The following AGPAT4 variants were observed in gnomAD, a reference collection of about 807,000 sequenced individuals.
AGPAT4 encodes 1-acyl-sn-glycerol-3-phosphate acyltransferase delta.
Under a neutral mutation model 48.0 loss-of-function variants are expected in AGPAT4, and 15 were observed. That is an observed-to-expected ratio of 0.31 (90% CI 0.21 to 0.48). The LOEUF (loss-of-function observed/expected upper bound fraction) is 0.48. AGPAT4 is among the 20% of genes least tolerant of loss of function. AGPAT4 has a pLI of 0.99. For synonymous variants in AGPAT4, 178 were observed against 198.7 expected, an observed-to-expected ratio of 0.90 and a Z score of 0.88; for missense variants, 314 against 482.5, an observed-to-expected ratio of 0.65 and a Z score of 3.27.
chr6:161,221,778 T>C lies in AGPAT4; in HGVS notation c.178+10258A>G, dbSNP rs1781842221. 6.6e-6 allele frequency among the ~76,000 whole-genome samples: 1 copy of C among 152,166 alleles called. No homozygotes were observed. The highest frequency in any genetic ancestry group is 2.4e-5 in the African/African-American group (1 of 41,450). ...CAGCGGCTGGGAGCCAGGTGTTCCT[T>C]GGCTTGCAGGGGATATTGTCCTCGT... On this transcript the variant is annotated intron_variant, in intron 2 of 8. Coordinates refer to ENST00000320285, the MANE Select transcript of AGPAT4 (RefSeq NM_020133.3). This position sits in a 1 kb window ranked among gnomAD's most constrained non-coding sequence, Gnocchi z 4.5.
At chr6:161,237,553 A>T (rs1782323411) in intron 1 of AGPAT4, among the ~76,000 whole-genome samples, 1 of 152,218 alleles carries the variant, frequency 6.6e-6, no homozygotes, top group Non-Finnish European at 1.5e-5. Flanking sequence ...CAGCCAGTAT[A>T]GACCTTTAGA....
chr6:161,179,568 C>T (rs1196844884), intron 2 of AGPAT4, among the ~76,000 whole-genome samples: 1 of 152,194 alleles, frequency 6.6e-6, no homozygotes, highest in Non-Finnish European at 1.5e-5. Context: ...ATTTCTACTA[C>T]ATTTGACCTT....
rs1277254809 is a variant in AGPAT4, at chr6:161,141,733, C to CA, written c.844-2114dup. On this transcript the variant is annotated intron_variant, in intron 7 of 8. Transcript: ENST00000320285. The surrounding 1 kb of genome is among the most constrained non-coding windows in gnomAD (Gnocchi z 6.7). ...TACAGTAATATCACAAAGGGGAACTCACCATGGTGCCTTTTCTGTCTTGTT... is the reference window on the plus strand; with the variant it reads ...TACAGTAATATCACAAAGGGGAACTCAACCATGGTGCCTTTTCTGTCTTGTT... 1.3e-5 allele frequency among the ~76,000 whole-genome samples: 2 copies of CA among 152,202 alleles called. No homozygotes were observed. The highest frequency in any genetic ancestry group is 4.8e-5 in the African/African-American group (2 of 41,466).
At position 161,232,405 on chromosome 6, in the gene AGPAT4, C is replaced by T; in HGVS notation, c.-89-103G>A. 1.8e-6 allele frequency: 1 copy of T among 565,652 alleles called. No individual in the cohort carries two copies. The highest frequency in any genetic ancestry group is 2.9e-5 in the East Asian group (1 of 34,582). The allele number at this position is 565,652 out of a possible 1,614,324, so 35.0% of individuals were successfully genotyped here. A position where few individuals can be genotyped will look rare whatever the true frequency, so the allele number is the denominator to read the frequency against. ...AAAAATATACACTTGAGGTTAAACT[C>T]ATGTGCGTTAGTTGATTTATCTTTA... is the stretch of plus-strand genomic sequence containing the variant. On this transcript the variant is annotated intron_variant, in intron 1 of 8. Transcript: ENST00000320285. This position sits in a 1 kb window ranked among gnomAD's most constrained non-coding sequence, Gnocchi z 6.8.
Position 161,221,638 on chromosome 6 carries a change from G to A in AGPAT4, c.178+10398C>T, listed in dbSNP as rs1695947653. On this transcript the variant is annotated intron_variant, in intron 2 of 8. Transcript: ENST00000320285. This position sits in a 1 kb window ranked among gnomAD's most constrained non-coding sequence, Gnocchi z 4.5. ...CCAAAGGACCACAGACTGGGGAACTGAAGTAACAGAAATTGATTGTCTGAG... is the reference window on the plus strand; with the variant it reads ...CCAAAGGACCACAGACTGGGGAACTAAAGTAACAGAAATTGATTGTCTGAG... 6.6e-6 allele frequency among the ~76,000 whole-genome samples: 1 copy of A among 152,154 alleles called. No individual in the cohort carries two copies. The highest frequency in any genetic ancestry group is 1.5e-5 in the Non-Finnish European group (1 of 68,038).
In AGPAT4 at chr6:161,206,144, G is replaced by A. The variant is rs570483852; in HGVS notation, c.178+25892C>T. ...AGGGAAGTGGCAGCCTAGCAAGACC[G>A]AAAACCTCTAGACAGTAACTGCCCT... On this transcript the variant is annotated intron_variant, in intron 2 of 8. Transcript: ENST00000320285. The surrounding 1 kb of genome is among the most constrained non-coding windows in gnomAD (Gnocchi z 4.8). 7.2e-5 allele frequency among the ~76,000 whole-genome samples: 11 copies of A among 152,222 alleles called. No individual in the cohort carries two copies. In the South Asian group the frequency reaches 1.0e-3, roughly 14 times the overall value.
chr6:161,151,783 C>T (rs1325684298), intron 5 of AGPAT4, among the ~76,000 whole-genome samples: 3 of 152,222 alleles, frequency 2.0e-5, no homozygotes, highest in Non-Finnish European at 4.4e-5. Flanking sequence ...AGGGAGTGCA[C>T]AGGGTCTTGA....
rs982234919 is a variant in AGPAT4 at position 161,219,835 on chromosome 6, A to T, written c.178+12201T>A. The stretch of plus-strand genomic sequence containing the variant: ...AAAAAAGATAGACAGAGATAGATAG[A>T]TAGATAGATAGATAGATAGATAGAT... On this transcript the variant is annotated intron_variant, in intron 2 of 8. Coordinates refer to ENST00000320285, the MANE Select transcript of AGPAT4 (RefSeq NM_020133.3). The surrounding 1 kb of genome is among the most constrained non-coding windows in gnomAD (Gnocchi z 4.9). Among the ~76,000 whole-genome samples the T allele has an allele frequency of 5.0e-5, 5 of 100,630 alleles. No individual in the cohort carries two copies. The highest frequency in any genetic ancestry group is 1.9e-4 in the African/African-American group (4 of 21,440). 66.0% of individuals were successfully genotyped at this position (100,630 alleles called of 152,430 possible). A position where few individuals can be genotyped will look rare whatever the true frequency, so the allele number is the denominator to read the frequency against.
At position 161,240,221 on chromosome 6, in the gene AGPAT4, T is replaced by TACACAC. The variant is rs58550351; in HGVS notation, c.-89-7925_-89-7920dup. ...CACTAACAGCAGATATCTTTGTGTATACACACACACACACACACACACACA... is the reference window on the plus strand; with the variant it reads ...CACTAACAGCAGATATCTTTGTGTATACACACACACACACACACACACACACACACA... On this transcript the variant is annotated intron_variant, in intron 1 of 8. Coordinates refer to ENST00000320285, the MANE Select transcript of AGPAT4 (RefSeq NM_020133.3). This position sits in a 1 kb window ranked among gnomAD's most constrained non-coding sequence, Gnocchi z 5.5. Among the ~76,000 whole-genome samples, 76 of 144,436 alleles carry TACACAC rather than the reference T, an allele frequency of 5.3e-4. No individual in the cohort carries two copies. The highest frequency in any genetic ancestry group is 1.5e-3 in the East Asian group (7 of 4,718). The allele number at this position is 144,436 out of a possible 152,430, so 94.8% of individuals were successfully genotyped here.
At position 161,272,649 on chromosome 6, in the gene AGPAT4, T is replaced by C. The variant is rs1783460391; in HGVS notation, c.-90+1289A>G. ...GAGAATATTCAGAAGATGGAATCCT[T>C]TTAACGTAGAACTCAAGATGTGCCC... is the stretch of plus-strand genomic sequence containing the variant. On this transcript the variant is annotated intron_variant, in intron 1 of 8. Transcript: ENST00000320285. The surrounding 1 kb of genome is among the most constrained non-coding windows in gnomAD (Gnocchi z 4.2). 1.3e-5 allele frequency among the ~76,000 whole-genome samples: 2 copies of C among 152,168 alleles called. No individual in the cohort carries two copies. Among genetic ancestry groups the C allele is most frequent in the East Asian group, 3.9e-4 (2 of 5,174 alleles).
rs140067643 is a variant in AGPAT4 at position 161,236,653 on chromosome 6, T to C, written c.-89-4351A>G. Among the ~76,000 whole-genome samples, 544 of 151,836 alleles carry C rather than the reference T, an allele frequency of 3.6e-3. 3 individuals carry two copies. The highest frequency in any genetic ancestry group is 0.012 in the African/African-American group (515 of 41,402). ...GAGCAGTGGCTCACACCTGTAATCC[T>C]AGCACTTTGGGAGGCCCAGGTAGGT... is the stretch of plus-strand genomic sequence containing the variant. On this transcript the variant is annotated intron_variant, in intron 1 of 8. Coordinates refer to ENST00000320285, the MANE Select transcript of AGPAT4 (RefSeq NM_020133.3). The surrounding 1 kb of genome is among the most constrained non-coding windows in gnomAD (Gnocchi z 5.0).
chr6:161,199,815 C>T (rs952367668), intron 2 of AGPAT4, among the ~76,000 whole-genome samples: 2 of 152,206 alleles, frequency 1.3e-5, no homozygotes, highest in Non-Finnish European at 2.9e-5. Flanking sequence ...TTCCTGAGGC[C>T]TCCCCAGCCA....
At position 161,215,707 on chromosome 6, in the gene AGPAT4, TAAA is replaced by T. The variant is rs71542999; in HGVS notation, c.178+16326_178+16328del. ...CACAGTAGAATAACCTCCCTTACCA[TAAA>T]AAAAAAAAAAAAGAAAACACAAAAA... On this transcript the variant is annotated intron_variant, in intron 2 of 8. Transcript: ENST00000320285. This position sits in a 1 kb window ranked among gnomAD's most constrained non-coding sequence, Gnocchi z 4.5. Among the ~76,000 whole-genome samples the T allele has an allele frequency of 5.6e-5, 7 of 124,834 alleles. No homozygotes were observed. The highest frequency in any genetic ancestry group is 8.3e-5 in the Admixed American group (1 of 12,016). The allele number at this position is 124,834 out of a possible 152,430, so 81.9% of individuals were successfully genotyped here. A position where few individuals can be genotyped will look rare whatever the true frequency, so the allele number is the denominator to read the frequency against.
In AGPAT4 at chr6:161,139,982, C is replaced by T. The variant is rs1478935297; in HGVS notation, c.844-362G>A. Among the ~76,000 whole-genome samples, 1 of 152,242 alleles carries T rather than the reference C, an allele frequency of 6.6e-6. No homozygotes were observed. Among genetic ancestry groups the T allele is most frequent in the Non-Finnish European group, 1.5e-5 (1 of 68,050 alleles). ...AGTCTGTCTAATGGGGCAGCAGTGCCTTCCACGATAGGTCGGCGGGAGAAT... is the reference window on the plus strand; with the variant it reads ...AGTCTGTCTAATGGGGCAGCAGTGCTTTCCACGATAGGTCGGCGGGAGAAT... On this transcript the variant is annotated intron_variant, in intron 7 of 8. Transcript: ENST00000320285. This position sits in a 1 kb window ranked among gnomAD's most constrained non-coding sequence, Gnocchi z 9.1.
chr6:161,248,774 C>T (rs548993876), intron 1 of AGPAT4, among the ~76,000 whole-genome samples: 2 of 152,148 alleles, frequency 1.3e-5, no homozygotes, highest in African/African-American at 2.4e-5. Flanking sequence ...CAATGCTATT[C>T]CTATTAAACT....
At position 161,178,338 on chromosome 6, in the gene AGPAT4, T is replaced by C. The variant is rs1444337138; in HGVS notation, c.179-11921A>G. ...CTACTCAAGCCTCAGCAATGGCGGA[T>C]GCCCCTCCCCGAACCTCGCTGCCGC... On this transcript the variant is annotated intron_variant, in intron 2 of 8. Coordinates refer to ENST00000320285, the MANE Select transcript of AGPAT4 (RefSeq NM_020133.3). This position sits in a 1 kb window ranked among gnomAD's most constrained non-coding sequence, Gnocchi z 5.1. Among the ~76,000 whole-genome samples, 1 of 152,208 alleles carries C rather than the reference T, an allele frequency of 6.6e-6. No individual in the cohort carries two copies. The highest frequency in any genetic ancestry group is 6.5e-5 in the Admixed American group (1 of 15,284).
chr6:161,228,268 G>A (rs936818289), intron 2 of AGPAT4, among the ~76,000 whole-genome samples: 1 of 152,238 alleles, frequency 6.6e-6, no homozygotes, highest in African/African-American at 2.4e-5. Flanking sequence ...TAGCAGGGGA[G>A]GCAGGATGTG....
intron 3 of AGPAT4, among the ~76,000 whole-genome samples, chr6:161,157,273 C>T (rs1289255992): frequency 6.6e-6 from 1 of 152,224 alleles, no homozygotes; most frequent in Non-Finnish European, 1.5e-5. Context: ...ATGCTTTCGC[C>T]ATCTGCTTTG....
At position 161,180,285 on chromosome 6, in the gene AGPAT4, G is replaced by A. The variant is rs192576186; in HGVS notation, c.179-13868C>T. 3.3e-5 allele frequency among the ~76,000 whole-genome samples: 5 copies of A among 152,274 alleles called. No homozygotes were observed. The East Asian group carries it at 7.7e-4, about 24-fold the overall frequency. On this transcript the variant is annotated intron_variant, in intron 2 of 8. Transcript: ENST00000320285. This position sits in a 1 kb window ranked among gnomAD's most constrained non-coding sequence, Gnocchi z 6.4. The stretch of plus-strand genomic sequence containing the variant: ...CAGTGGGTGGGCCCAGCTCCTCTCT[G>A]CAGCCCATCCCAGAAGTGCCATGGA...
Sources: gnomAD v4.1 joint callset for allele counts (sites outside exome capture counted in the v4.1 genomes callset) on GRCh38, gnomAD v4.1.1 for gene constraint, Gnocchi (gnomAD v3.1) non-coding constraint, MANE v1.5 for transcripts, NCBI Gene and HGNC (gene_info 2026-07-23, HGNC 2026-07-21) for gene names.